The following PALLD variants were observed in gnomAD, a reference collection of about 807,000 sequenced individuals.
PALLD encodes palladin, cytoskeletal associated protein, also known as palladin.
Under a neutral mutation model 123.5 loss-of-function variants are expected in PALLD, and 61 were observed. That is an observed-to-expected ratio of 0.49 (90% CI 0.40 to 0.61). PALLD has a LOEUF of 0.61. Ranked by LOEUF, PALLD falls within the 20% of genes least tolerant of loss-of-function variation. The pLI is 0.00. For synonymous variants in PALLD, 465 were observed against 496.4 expected (o/e 0.94, Z 0.84); for missense variants, 1,273 against 1,377.0 (o/e 0.92, Z 1.20).
intron 2 of PALLD, among the ~76,000 whole-genome samples, chr4:168,558,376 C>T (rs770145329): frequency 1.3e-5 from 2 of 152,174 alleles, no homozygotes; most frequent in Non-Finnish European, 1.5e-5. Context: ...AGGAGTCAGG[C>T]GCCAGCCCTC....
At chr4:168,825,811 A>G (rs1743338430) in intron 10 of PALLD, among the ~76,000 whole-genome samples, 1 of 152,220 alleles carries the variant, frequency 6.6e-6, no homozygotes, top group Non-Finnish European at 1.5e-5. Context: ...TCTACATGAA[A>G]TGCGACACAA....
At chr4:168,808,537 A>G (rs1460046208) in intron 10 of PALLD, among the ~76,000 whole-genome samples, 2 of 152,228 alleles carry the variant, frequency 1.3e-5, no homozygotes, top group Non-Finnish European at 2.9e-5. Flanking sequence ...TAGATACATA[A>G]GAGGAAGCAC....
In PALLD at chr4:168,791,294, A is replaced by G. The variant is rs117891300; in HGVS notation, c.1964+79371A>G. The stretch of plus-strand genomic sequence containing the variant: ...TTTATTCCACCACCACCATAAGTCA[A>G]TCTCTAGTTTCCCCTCTGGGACCCT... On this transcript the variant is annotated intron_variant, in intron 10 of 21. Coordinates refer to ENST00000505667, the MANE Select transcript of PALLD (RefSeq NM_001166108.2). 3.4e-3 allele frequency among the ~76,000 whole-genome samples: 522 copies of G among 152,264 alleles called. 3 individuals are homozygous for G. Among genetic ancestry groups the G allele is most frequent in the East Asian group, 0.032 (168 of 5,188 alleles).
At chr4:168,550,145 A>G (rs1181735158) in intron 2 of PALLD, among the ~76,000 whole-genome samples, 1 of 152,216 alleles carries the variant, frequency 6.6e-6, no homozygotes, top group African/African-American at 2.4e-5. Flanking sequence ...AATACTTAGG[A>G]TAACTGTGGG....
In PALLD at chr4:168,821,576, G is replaced by A. The variant is rs79343655; in HGVS notation, c.1965-69346G>A. Among the ~76,000 whole-genome samples, 1,799 of 152,076 alleles carry A rather than the reference G, an allele frequency of 0.012. 74 individuals carry two copies. In the East Asian group the frequency reaches 0.17, roughly 14 times the overall value. On this transcript the variant is annotated intron_variant, in intron 10 of 21. Coordinates refer to ENST00000505667, the MANE Select transcript of PALLD (RefSeq NM_001166108.2). ...AATTTGAAGAATTAGATGAATATACGTATAAAGAGAAGTTTTAGGCCAGGT... is the reference window on the plus strand; with the variant it reads ...AATTTGAAGAATTAGATGAATATACATATAAAGAGAAGTTTTAGGCCAGGT...
At chr4:168,791,657 C>A (rs1002741973) in intron 10 of PALLD, among the ~76,000 whole-genome samples, 13 of 152,108 alleles carry the variant, frequency 8.5e-5, no homozygotes, top group Admixed American at 2.6e-4. Flanking sequence ...ATTCAAGATG[C>A]GATTTTGGGT....
chr4:168,615,561 G>A (rs1395163342), intron 2 of PALLD, among the ~76,000 whole-genome samples: 2 of 152,176 alleles, frequency 1.3e-5, no homozygotes, highest in Non-Finnish European at 2.9e-5. Flanking sequence ...TCTTGGATTA[G>A]GTTTTGTTTT....
intron 10 of PALLD, among the ~76,000 whole-genome samples, chr4:168,747,332 G>A (rs1200193754): frequency 6.6e-6 from 1 of 152,204 alleles, no homozygotes; most frequent in Non-Finnish European, 1.5e-5. Flanking sequence ...TGCAGGCTAA[G>A]AGTCAGTTTT....
At chr4:168,523,432 G>A (rs899767599) in intron 2 of PALLD, among the ~76,000 whole-genome samples, 1 of 152,162 alleles carries the variant, frequency 6.6e-6, no homozygotes, top group African/African-American at 2.4e-5. Context: ...TTGTGTTAGT[G>A]CAAAGAGAAT....
chr4:168,583,715 C>T (rs142212984), intron 2 of PALLD, among the ~76,000 whole-genome samples: 24 of 152,316 alleles, frequency 1.6e-4, no homozygotes, highest in African/African-American at 5.8e-4. Flanking sequence ...TATTACACAT[C>T]TCAGCCCTTG....
intron 10 of PALLD, among the ~76,000 whole-genome samples, chr4:168,820,010 G>A (rs1317508912): frequency 6.6e-6 from 1 of 152,198 alleles, no homozygotes; most frequent in Non-Finnish European, 1.5e-5. Flanking sequence ...TGCTGCCTTT[G>A]CCTTCTTGCC....
At position 168,741,890 on chromosome 4, in the gene PALLD, A is replaced by G. The variant is rs553055764; in HGVS notation, c.1964+29967A>G. Among the ~76,000 whole-genome samples the G allele has an allele frequency of 2.4e-3, 371 of 152,274 alleles. 1 individual carries two copies. The highest frequency in any genetic ancestry group is 8.4e-3 in the African/African-American group (351 of 41,560). ...TGGGAGAGCGAAGGAACCAGTCTTC[A>G]TTGACAGCTGACTTTATTTTTCGAT... On this transcript the variant is annotated intron_variant, in intron 10 of 21. Coordinates refer to ENST00000505667, the MANE Select transcript of PALLD (RefSeq NM_001166108.2).
chr4:168,746,566 G>A (rs1730351034), intron 10 of PALLD, among the ~76,000 whole-genome samples: 1 of 152,020 alleles, frequency 6.6e-6, no homozygotes, highest in Non-Finnish European at 1.5e-5. Flanking sequence ...TTGAACAAAT[G>A]TTTGAGTGAA....
chr4:168,804,789 A>G (rs1418958646), intron 10 of PALLD, among the ~76,000 whole-genome samples: 1 of 152,248 alleles, frequency 6.6e-6, no homozygotes, highest in African/African-American at 2.4e-5. Context: ...AGAGTTATGT[A>G]TTCAGAGTAA....
intron 2 of PALLD, among the ~76,000 whole-genome samples, chr4:168,548,554 T>A (rs556883981): frequency 6.6e-6 from 1 of 152,046 alleles, no homozygotes; most frequent in African/African-American, 2.4e-5. Context: ...AATACTGATA[T>A]GAGAGATGAG....
At chr4:168,499,587 T>C (rs1761178114) in intron 1 of PALLD, among the ~76,000 whole-genome samples, 1 of 152,196 alleles carries the variant, frequency 6.6e-6, no homozygotes, top group Non-Finnish European at 1.5e-5. Context: ...AAATCACTTA[T>C]AACTTTTTTT....
chr4:168,749,061 G>A (rs778546614), intron 10 of PALLD, among the ~76,000 whole-genome samples: 1 of 152,140 alleles, frequency 6.6e-6, no homozygotes, highest in Non-Finnish European at 1.5e-5. Context: ...GCTTGGGGCA[G>A]GAGGGCAGAT....
At chr4:168,658,285 GTTT>G (rs66527351) in intron 2 of PALLD, among the ~76,000 whole-genome samples, 2 of 131,646 alleles carry the variant, frequency 1.5e-5, no homozygotes, top group African/African-American at 6.0e-5. Context: ...TTTTTATTTG[GTTT>G]TTTTTTTTTT....
intron 2 of PALLD, among the ~76,000 whole-genome samples, chr4:168,602,850 C>T (rs1186930641): frequency 2.0e-5 from 3 of 151,976 alleles, no homozygotes; most frequent in Admixed American, 6.6e-5. Context: ...ACTGCAGCCT[C>T]GACCTCCCAG....
Sources: gnomAD v4.1 joint callset for allele counts (sites outside exome capture counted in the v4.1 genomes callset) on GRCh38, gnomAD v4.1.1 for gene constraint, MANE v1.5 for transcripts, NCBI Gene and HGNC (gene_info 2026-07-23, HGNC 2026-07-21) for gene names.